Variants in ATP2C2 observed in about 807,000 individuals in gnomAD.
The protein encoded by ATP2C2 is ATPase secretory pathway Ca2+ transporting 2, also known as calcium-transporting ATPase type 2C member 2.
ATP2C2 carries 171 observed loss-of-function variants against 110.8 expected under a neutral mutation model. The ratio of observed to expected loss-of-function variants is 1.54; its 90% CI spans 1.36 to 1.75. ATP2C2 has a LOEUF of 1.75. ATP2C2 is among the 40% of genes most tolerant of loss of function. The pLI is 0.00. For synonymous variants in ATP2C2, 804 were observed against 508.4 expected (o/e 1.58, Z -7.82); for missense variants, 1,963 against 1,235.0 (o/e 1.59, Z -8.84).
chr16:84,398,668 G>A (rs1044036107), intron 2 of ATP2C2, 59 bp downstream of exon 2: 3 of 1,355,840 alleles, frequency 2.2e-6, no homozygotes, highest in Non-Finnish European at 3.1e-6. Flanking sequence ...TTAAAAGAAA[G>A]CAACACAAAG....
chr16:84,447,765 A>G (rs1909887955), intron 16 of ATP2C2, among the ~76,000 whole-genome samples: 1 of 145,940 alleles, frequency 6.9e-6, no homozygotes, highest in Non-Finnish European at 1.5e-5. Flanking sequence ...ATACATATAA[A>G]TAATATAATG....
chr16:84,439,565 A>T (rs1342343644), intron 13 of ATP2C2, 41 bp downstream of exon 13: 1 of 1,569,824 alleles, frequency 6.4e-7, no homozygotes, highest in Middle Eastern at 1.7e-4. Context: ...GGATGCACCC[A>T]GCCAGGCTGT....
chr16:84,385,658 C>G (rs1409375779), intron 1 of ATP2C2, among the ~76,000 whole-genome samples: 2 of 152,208 alleles, frequency 1.3e-5, no homozygotes, highest in African/African-American at 2.4e-5. Context: ...TTCCGCATGT[C>G]TGGGGAGGCC....
chr16:84,420,996 G>T (rs1044885095), intron 7 of ATP2C2, among the ~76,000 whole-genome samples: 1 of 152,122 alleles, frequency 6.6e-6, no homozygotes, highest in African/African-American at 2.4e-5. Flanking sequence ...AGTAGAGACA[G>T]GGTTTCACTG....
rs1909373841 is a variant in ATP2C2 at position 84,442,603 on chromosome 16, G to A, written c.1401+4G>A. ...ATTGATGGCCCTGGCGATGAAGGTAGGAGGTCCTGGGGTGGCTCTGCGGGG... is the reference window on the plus strand; with the variant it reads ...ATTGATGGCCCTGGCGATGAAGGTAAGAGGTCCTGGGGTGGCTCTGCGGGG... On this transcript the variant is annotated splice_donor_region_variant and intron_variant, in intron 15 of 26. Transcript: ENST00000262429. 6.2e-7 allele frequency: 1 copy of A among 1,613,740 alleles called. No individual in the cohort carries two copies. The highest frequency in any genetic ancestry group is 8.5e-7 in the Non-Finnish European group (1 of 1,179,744).
rs1910012200 is a variant in ATP2C2 at position 84,448,970 on chromosome 16, G to GA, written c.1660+282dup. 2.0e-5 allele frequency among the ~76,000 whole-genome samples: 3 copies of GA among 152,318 alleles called. No homozygotes were observed. The Middle Eastern group carries it at 0.01, about 518-fold the overall frequency. On this transcript the variant is annotated intron_variant, in intron 17 of 26. Transcript: ENST00000262429. ...GTGAATGGGCTGCACCCCAAACATT[G>GA]ATTTTCCCAATAGGTCTTTTTGCTC...
chr16:84,443,173 G>A (rs930950577), intron 15 of ATP2C2, among the ~76,000 whole-genome samples: 1 of 152,148 alleles, frequency 6.6e-6, no homozygotes, highest in Admixed American at 6.5e-5. Flanking sequence ...CATGGGCTGG[G>A]AATGCAGGTG....
intron 1 of ATP2C2, among the ~76,000 whole-genome samples, chr16:84,386,735 A>T (rs6564024): frequency 6.6e-6 from 1 of 152,134 alleles, no homozygotes; most frequent in Non-Finnish European, 1.5e-5. Context: ...TCCTCACATC[A>T]ATGCTAGGTG....
At chr16:84,449,405 C>T (rs533617761) in intron 17 of ATP2C2, among the ~76,000 whole-genome samples, 1 of 152,330 alleles carries the variant, frequency 6.6e-6, no homozygotes, top group South Asian at 2.1e-4. Flanking sequence ...TTCCCCAAAG[C>T]ATTGGCACTT....
At chr16:84,455,862 T>C (rs370511611) in intron 21 of ATP2C2, among the ~76,000 whole-genome samples, 27 of 138,042 alleles carry the variant, frequency 2.0e-4, no homozygotes, top group East Asian at 1.8e-3. Flanking sequence ...TGTCAAAGGC[T>C]TTTTCTGCAT....
At position 84,460,975 on chromosome 16, in the gene ATP2C2, G is replaced by A. The variant is rs896882507; in HGVS notation, c.2481+174G>A. On this transcript the variant is annotated intron_variant, in intron 24 of 26. Coordinates refer to ENST00000262429, the MANE Select transcript of ATP2C2 (RefSeq NM_014861.4). ...GGTGCATGAGGCAAAGGGACTGGGTGACCCTTGAAAGAAGGGAGGTCGCCA... is the reference window on the plus strand; with the variant it reads ...GGTGCATGAGGCAAAGGGACTGGGTAACCCTTGAAAGAAGGGAGGTCGCCA... 5 of 972,670 alleles carry A rather than the reference G, an allele frequency of 5.1e-6. No homozygotes were observed. The African/African-American group carries it at 6.6e-5, about 13-fold the overall frequency. 60.3% of individuals were successfully genotyped at this position (972,670 alleles called of 1,614,324 possible).
chr16:84,432,095 G>T (rs1426468925), intron 11 of ATP2C2, among the ~76,000 whole-genome samples: 1 of 152,072 alleles, frequency 6.6e-6, no homozygotes, highest in African/African-American at 2.4e-5. Flanking sequence ...TGGGGCCCGA[G>T]ACTCACATTT....
chr16:84,369,278 C>A (rs1597719214), intron 1 of ATP2C2, among the ~76,000 whole-genome samples: 1 of 152,162 alleles, frequency 6.6e-6, no homozygotes, highest in South Asian at 2.1e-4. Context: ...GATAAAGCAG[C>A]AGGGTGCCAG....
At position 84,399,718 on chromosome 16, in the gene ATP2C2, C is replaced by T. The variant is rs1164681136; in HGVS notation, c.210+1109C>T. Among the ~76,000 whole-genome samples, 4 of 152,126 alleles carry T rather than the reference C, an allele frequency of 2.6e-5. No individual in the cohort carries two copies. In the East Asian group the frequency reaches 7.7e-4, roughly 29 times the overall value. ...ATACGCTATAATAATCACATCAGGG[C>T]AAACGGGGTCTCCATTACCTCAAGC... On this transcript the variant is annotated intron_variant, in intron 2 of 26. Transcript: ENST00000262429.
Position 84,410,598 on chromosome 16 carries a change from A to G in ATP2C2, c.448A>G (p.Ile150Val), listed in dbSNP as rs1479094043. 1.2e-6 allele frequency: 2 copies of G among 1,614,072 alleles called. No individual in the cohort carries two copies. The highest frequency in any genetic ancestry group is 1.7e-6 in the Non-Finnish European group (2 of 1,180,006). The change falls in exon 5 of 27, where the codon ATC becomes GTC. Residue 150 changes from isoleucine to valine, a missense_variant. Physicochemically the swap from Ile to Val is conservative, Grantham distance 29. Transcript: ENST00000262429. ...GCTTGTCGTGGTCACTGTCGCCTTC[A>G]TCCAGGTGAGTATTTCCTGAGGTCC... ...AVLVVVTVAFIQEYRSEKSLE... is the reference protein window; with the variant it reads ...AVLVVVTVAFVQEYRSEKSLE...
chr16:84,425,419 T>C (rs529380330), intron 10 of ATP2C2, among the ~76,000 whole-genome samples: 1 of 152,270 alleles, frequency 6.6e-6, no homozygotes, highest in Admixed American at 6.5e-5. Flanking sequence ...CATGGGGGGA[T>C]GTTCTGGATA....
chr16:84,384,192 G>A (rs746038995), intron 1 of ATP2C2, among the ~76,000 whole-genome samples: 7 of 152,188 alleles, frequency 4.6e-5, no homozygotes, highest in Non-Finnish European at 8.8e-5. Flanking sequence ...TCCCATCAGC[G>A]TTGTCCTGGT....
intron 6 of ATP2C2, among the ~76,000 whole-genome samples, chr16:84,411,176 C>T (rs1597786557): frequency 2.0e-5 from 3 of 152,096 alleles, no homozygotes; most frequent in Admixed American, 2.0e-4. Context: ...CAAGCAGAGC[C>T]ATCAGAACAT....
rs1367027152 is a variant in ATP2C2, at chr16:84,398,564, G to A, written c.165G>A (p.Lys55=). 2.5e-6 allele frequency: 4 copies of A among 1,613,392 alleles called. No individual in the cohort carries two copies. The Admixed American group carries it at 5.0e-5, about 20-fold the overall frequency. ...AGAAGGTGACAGCCCTGCCCCCCAA[G>A]GAAGCGTGCAAATGCCAGAAAGAGG... ...KEKKVTALPP[K]EACKCQKEDL... Residue 55 remains lysine (K), a synonymous_variant, in exon 2 of 27, where the codon AAG becomes AAA. Transcript: ENST00000262429.
Sources: allele counts gnomAD v4.1 joint callset (sites outside exome capture counted in the v4.1 genomes callset), GRCh38; gene constraint gnomAD v4.1.1; transcripts MANE v1.5; gene names NCBI Gene and HGNC (gene_info 2026-07-23, HGNC 2026-07-21).